DENND4A: variants seen among roughly 807,000 people sequenced by gnomAD.
DENND4A encodes C-myc promoter-binding protein.
A neutral mutation model predicts 199.3 loss-of-function variants in DENND4A; 70 were observed. The observed-to-expected ratio is 0.35, with a 90% confidence interval of 0.29 to 0.43. The LOEUF (loss-of-function observed/expected upper bound fraction) is 0.43, where lower values mean the gene tolerates loss of function less well. DENND4A is among the 20% of genes least tolerant of loss of function. The pLI, the probability that DENND4A is intolerant of heterozygous loss-of-function variation, is 1.00. For synonymous variants in DENND4A, 686 were observed against 766.9 expected, an observed-to-expected ratio of 0.89 and a Z score of 1.74; for missense variants, 1,723 against 2,255.8, an observed-to-expected ratio of 0.76 and a Z score of 4.78.
chr15:65,715,262 G>C (rs1457925313), intron 14 of DENND4A: 4 of 406,200 alleles, frequency 9.8e-6, no homozygotes, highest in Non-Finnish European at 1.7e-5. Context: ...TAAAACTTAT[G>C]ATTACAATTA....
intron 29 of DENND4A, 88 bp from the exon 30 acceptor site, chr15:65,665,550 G>T: frequency 1.0e-6 from 1 of 995,702 alleles, no homozygotes; most frequent in Non-Finnish European, 1.4e-6. Flanking sequence ...TATTTTTTAG[G>T]ATGTATATGT....
chr15:65,746,418 G>T (rs1261102598), intron 4 of DENND4A, among the ~76,000 whole-genome samples: 1 of 93,126 alleles, frequency 1.1e-5, no homozygotes, highest in African/African-American at 4.2e-5. Flanking sequence ...ACGGAGTCTC[G>T]TTCTGTCACG....
chr15:65,720,237 T>A (rs969096897), intron 12 of DENND4A, among the ~76,000 whole-genome samples: 1 of 152,184 alleles, frequency 6.6e-6, no homozygotes, highest in Non-Finnish European at 1.5e-5. Flanking sequence ...TACATTCTAT[T>A]CAAATGTCAT....
At chr15:65,788,305 G>C (rs754103152) in intron 1 of DENND4A, among the ~76,000 whole-genome samples, 8 of 152,090 alleles carry the variant, frequency 5.3e-5, no homozygotes, top group Non-Finnish European at 7.4e-5. Context: ...TCGATCTCCT[G>C]ACCTTGCGAT....
chr15:65,703,939 A>C (rs930986421), intron 15 of DENND4A, among the ~76,000 whole-genome samples: 1 of 152,238 alleles, frequency 6.6e-6, no homozygotes, highest in African/African-American at 2.4e-5. Context: ...CTGTTTAAGA[A>C]TACTATGTAA....
chr15:65,741,338 T>C (rs1451808741), intron 5 of DENND4A, among the ~76,000 whole-genome samples: 6 of 152,238 alleles, frequency 3.9e-5, no homozygotes, highest in African/African-American at 1.4e-4. Context: ...CAAATTGGTT[T>C]ATAATATTTT....
intron 1 of DENND4A, among the ~76,000 whole-genome samples, chr15:65,768,572 T>C (rs138747058): frequency 1.3e-5 from 2 of 152,344 alleles, no homozygotes; most frequent in South Asian, 2.1e-4. Context: ...GAAGGACATA[T>C]AAAGTGTACA....
intron 21 of DENND4A, 25 bp downstream of exon 21, chr15:65,697,242 C>A (rs776927028): frequency 2.2e-6 from 3 of 1,362,842 alleles, no homozygotes; most frequent in Middle Eastern, 3.8e-4. Flanking sequence ...CAATTTTATA[C>A]AATATCAACT....
chr15:65,704,048 T>C (rs893775663), intron 15 of DENND4A, among the ~76,000 whole-genome samples: 2 of 152,124 alleles, frequency 1.3e-5, no homozygotes, highest in African/African-American at 2.4e-5. Flanking sequence ...TCAAATTCCA[T>C]AGAATAAGAA....
At chr15:65,689,796 C>T (rs900801164) in intron 23 of DENND4A, among the ~76,000 whole-genome samples, 1 of 152,110 alleles carries the variant, frequency 6.6e-6, no homozygotes, top group Non-Finnish European at 1.5e-5. Context: ...TCTCTCTAAC[C>T]CACAAGTTCC....
rs113561137 is a variant in DENND4A, at chr15:65,711,512, G to GA, written c.1953+3965dup. 4.1e-3 allele frequency among the ~76,000 whole-genome samples: 620 copies of GA among 151,656 alleles called. 3 individuals carry two copies. Among genetic ancestry groups the GA allele is most frequent in the African/African-American group, 0.014 (562 of 41,388 alleles). ...TGCCTCAAAAATAAAAAATAATAAA[G>GA]AAAAAAAACCAGGTTTTCAAAGCTT... On this transcript the variant is annotated intron_variant, in intron 14 of 32. Coordinates refer to ENST00000443035, the MANE Select transcript of DENND4A (RefSeq NM_001320835.1).
chr15:65,724,380 CG>C lies in DENND4A; in HGVS notation c.1488-1433del, dbSNP rs1239365530. Among the ~76,000 whole-genome samples the C allele has an allele frequency of 1.2e-3, 118 of 97,864 alleles. 2 individuals are homozygous for C. The East Asian group carries it at 0.035, about 29-fold the overall frequency. 64.2% of individuals were successfully genotyped at this position (97,864 alleles called of 152,430 possible). A position where few individuals can be genotyped will look rare whatever the true frequency, so the allele number is the denominator to read the frequency against. On this transcript the variant is annotated intron_variant, in intron 11 of 32. Coordinates refer to ENST00000443035, the MANE Select transcript of DENND4A (RefSeq NM_001320835.1). ...CAGCTGACTCTACTTTTTTTTGAAT[CG>C]TTTTTTTTTTTTTTTATTTCAAAAG...
At chr15:65,698,451 T>C (rs2077229876) in intron 20 of DENND4A, among the ~76,000 whole-genome samples, 1 of 152,180 alleles carries the variant, frequency 6.6e-6, no homozygotes, top group African/African-American at 2.4e-5. Context: ...TCTTTTTGTT[T>C]GGATTTGAAG....
intron 14 of DENND4A, among the ~76,000 whole-genome samples, chr15:65,709,719 A>AAAAAAAAAAAAAATATATATATAT (rs1218030026): frequency 1.9e-5 from 1 of 51,474 alleles, no homozygotes; most frequent in Non-Finnish European, 3.1e-5. Context: ...AAAAAAAAAA[A>AAAAAAAAAAAAAATATATATATAT]ATATATATAT....
At chr15:65,723,031 G>A in intron 11 of DENND4A, 83 bp from the exon 12 acceptor site, 30 of 1,034,578 alleles carry the variant, frequency 2.9e-5, no homozygotes, top group South Asian at 1.3e-4. Flanking sequence ...TATAAAAACG[G>A]GAAAAGATTA....
At chr15:65,782,965 T>C (rs1046574806) in intron 1 of DENND4A, among the ~76,000 whole-genome samples, 7 of 148,892 alleles carry the variant, frequency 4.7e-5, no homozygotes, top group Admixed American at 2.0e-4. Flanking sequence ...ATGGAAGGGA[T>C]CTTTTTTTTT....
intron 30 of DENND4A, 120 bp downstream of exon 30, chr15:65,665,223 GAC>G: frequency 1.5e-6 from 1 of 688,864 alleles, no homozygotes. Flanking sequence ...GTACGACTTT[GAC>G]CTGTAAGACA....
rs2076227240 is a variant in DENND4A at position 65,671,809 on chromosome 15, G to A, written c.4447C>T (p.Gln1483Ter). Reference sequence around the variant, plus strand: ...AAGTGTACCTCCATTGCATAGTTCTGGAAGATATTTGTATTACTCGCGTTG... The same window carrying A: ...AAGTGTACCTCCATTGCATAGTTCTAGAAGATATTTGTATTACTCGCGTTG... The part of the protein sequence containing the change: ...SFNASNTNIF[Q>*]NYAMEVLISS... The change falls in exon 25 of 33, where the codon CAG (glutamine) becomes TAG (stop). Residue 1483 changes from glutamine to a stop codon, truncating the protein, a stop_gained. Coordinates refer to ENST00000443035, the MANE Select transcript of DENND4A (RefSeq NM_001320835.1). LOFTEE classifies it high-confidence loss of function. 6.2e-7 allele frequency: 1 copy of A among 1,608,302 alleles called. No homozygotes were observed. Among genetic ancestry groups the A allele is most frequent in the Non-Finnish European group, 8.5e-7 (1 of 1,174,730 alleles).
intron 25 of DENND4A, 120 bp downstream of exon 25, chr15:65,671,672 G>T: frequency 1.4e-6 from 1 of 703,434 alleles, no homozygotes; most frequent in Non-Finnish European, 2.4e-6. Flanking sequence ...TTACAGGCGT[G>T]AGCCACCGCG....
Sources: allele counts gnomAD v4.1 joint callset (sites outside exome capture counted in the v4.1 genomes callset), GRCh38; gene constraint gnomAD v4.1.1; transcripts MANE v1.5; gene names NCBI Gene and HGNC (gene_info 2026-07-23, HGNC 2026-07-21).